The following UBN2 variants were observed in gnomAD, a reference collection of about 807,000 sequenced individuals.
UBN2 encodes the protein ubinuclein-2.
Under a neutral mutation model 120.2 loss-of-function variants are expected in UBN2, and 35 were observed. That is an observed-to-expected ratio of 0.29 (90% CI 0.22 to 0.39). UBN2 has a LOEUF of 0.39. Among genes scored for constraint, UBN2 ranks in the 10% least tolerant of loss-of-function variants. UBN2 has a pLI of 1.00. For synonymous variants in UBN2, 661 were observed against 648.7 expected (o/e 1.02, Z -0.29); for missense variants, 1,693 against 1,663.2 (o/e 1.02, Z -0.31).
chr7:139,283,413 C>G lies in UBN2; in HGVS notation c.2508C>G (p.His836Gln). The part of the protein sequence containing the change: ...TTHSSSLIAG[H>Q]TGPVPKKPQD... ...ATTCTTCAAGTCTTATTGCTGGTCA[C>G]ACAGGGCCAGTACCAAAGAAACCCC... The change falls in exon 15 of 18, where the codon CAC becomes CAG. Residue 836 changes from histidine to glutamine, a missense_variant. His to Gln is a conservative substitution (Grantham distance 24, BLOSUM62 0). Coordinates refer to ENST00000473989, the MANE Select transcript of UBN2 (RefSeq NM_173569.4). 1 of 1,614,076 alleles carries G rather than the reference C, an allele frequency of 6.2e-7. No individual in the cohort carries two copies. The highest frequency in any genetic ancestry group is 8.5e-7 in the Non-Finnish European group (1 of 1,180,008).
rs371222858 is a variant in UBN2 at position 139,293,221 on chromosome 7, T to C, written c.3670-11T>C. The C allele has an allele frequency of 6.2e-7, 1 of 1,611,868 alleles. No homozygotes were observed. Among genetic ancestry groups the C allele is most frequent in the African/African-American group, 1.3e-5 (1 of 74,876 alleles). On this transcript the variant is annotated splice_polypyrimidine_tract_variant and intron_variant, in intron 15 of 17. Coordinates refer to ENST00000473989, the MANE Select transcript of UBN2 (RefSeq NM_173569.4). ...ATTTCTTATGTATTTTGACCCCTGG[T>C]TTCTGCACAGTCCACAGCAGGAGCA... is the stretch of plus-strand genomic sequence containing the variant.
rs1798173230 is a variant in UBN2, at chr7:139,298,478, T to C, written c.*642T>C. The C allele has an allele frequency of 3.3e-5, 5 of 152,202 alleles. No homozygotes were observed. Among genetic ancestry groups the C allele is most frequent in the Admixed American group, 3.3e-4 (5 of 15,270 alleles). 9.4% of individuals were successfully genotyped at this position (152,202 alleles called of 1,614,324 possible). A position where few individuals can be genotyped will look rare whatever the true frequency, so the allele number is the denominator to read the frequency against. On this transcript the variant is annotated 3_prime_UTR_variant, in exon 18 of 18. Coordinates refer to ENST00000473989, the MANE Select transcript of UBN2 (RefSeq NM_173569.4). ...AAAGTTATTTTAGCACAGTGATATA[T>C]ATTATTAAATCATCTAGATTTTTAA...
chr7:139,283,154 T>C lies in UBN2; in HGVS notation c.2249T>C (p.Ile750Thr), dbSNP rs550455122. 7.4e-6 allele frequency: 12 copies of C among 1,612,202 alleles called. No individual in the cohort carries two copies. The Admixed American group carries it at 1.5e-4, about 20-fold the overall frequency. ...SSSSAPAQET[I>T]CLDDSLDEDL... ...AGCTCTGCACCAGCCCAAGAAACCATCTGCCTCGACGACTCACTAGATGAA... is the reference window on the plus strand; with the variant it reads ...AGCTCTGCACCAGCCCAAGAAACCACCTGCCTCGACGACTCACTAGATGAA... Residue 750 changes from isoleucine (I) to threonine (T), a missense_variant, in exon 15 of 18, where the codon ATC becomes ACC. Physicochemically the swap from Ile to Thr is moderately conservative, Grantham distance 89. Coordinates refer to ENST00000473989, the MANE Select transcript of UBN2 (RefSeq NM_173569.4).
chr7:139,312,292 A>G (rs1310594243), downstream of UBN2, among the ~76,000 whole-genome samples: 3 of 152,214 alleles, frequency 2.0e-5, no homozygotes, highest in African/African-American at 4.8e-5. Context: ...ATTCATACCA[A>G]TAGTACTGTG....
chr7:139,268,663 C>T (rs1298652767), intron 7 of UBN2, among the ~76,000 whole-genome samples: 1 of 152,046 alleles, frequency 6.6e-6, no homozygotes, highest in African/African-American at 2.4e-5. Flanking sequence ...ACTCTGTTGC[C>T]CAGCCTGGAG....
intron 9 of UBN2, among the ~76,000 whole-genome samples, chr7:139,273,061 A>G (rs968342948): frequency 5.9e-5 from 9 of 152,204 alleles, no homozygotes; most frequent in Non-Finnish European, 1.3e-4. Context: ...GTTGAACACA[A>G]GTGTTTTCTG....
At chr7:139,269,603 C>T (rs779040517) in intron 8 of UBN2, 80 bp downstream of exon 8, 6 of 1,454,784 alleles carry the variant, frequency 4.1e-6, no homozygotes, top group Non-Finnish European at 5.6e-6. Flanking sequence ...GGCCTTTGCA[C>T]ATTAATTGAT....
intron 6 of UBN2, 80 bp from the exon 7 acceptor site, chr7:139,266,253 A>AAC: frequency 1.1e-6 from 1 of 895,332 alleles, no homozygotes; most frequent in South Asian, 1.6e-5. Flanking sequence ...AAAGAAAAAA[A>AAC]CCTTTGAACA....
chr7:139,273,435 T>C (rs1797347902), intron 10 of UBN2, 25 bp downstream of exon 10: 1 of 1,463,924 alleles, frequency 6.8e-7, no homozygotes, highest in African/African-American at 1.4e-5. Context: ...GTTTTCACTT[T>C]TAATATATAA....
chr7:139,286,207 C>T (rs1436968069), intron 15 of UBN2, among the ~76,000 whole-genome samples: 1 of 152,110 alleles, frequency 6.6e-6, no homozygotes, highest in Non-Finnish European at 1.5e-5. Context: ...GGCTTACAGG[C>T]GTGAGCTACC....
At chr7:139,235,183 A>T (rs1369158035) in intron 1 of UBN2, among the ~76,000 whole-genome samples, 1 of 152,188 alleles carries the variant, frequency 6.6e-6, no homozygotes, top group Non-Finnish European at 1.5e-5. Flanking sequence ...TTATACATAT[A>T]AAATGAGTCA....
At chr7:139,270,829 C>T (rs949504809) in intron 8 of UBN2, among the ~76,000 whole-genome samples, 1 of 152,142 alleles carries the variant, frequency 6.6e-6, no homozygotes, top group African/African-American at 2.4e-5. Context: ...ACCACAACCT[C>T]CACCTCCTGG....
chr7:139,232,673 TTTTA>T (rs1376147806), intron 1 of UBN2, among the ~76,000 whole-genome samples: 3 of 152,192 alleles, frequency 2.0e-5, no homozygotes, highest in Admixed American at 6.5e-5. Flanking sequence ...GTGTCTCCTG[TTTTA>T]TTTGACACCT....
intron 17 of UBN2, among the ~76,000 whole-genome samples, chr7:139,297,409 C>T (rs1443857032): frequency 6.6e-6 from 1 of 151,926 alleles, no homozygotes; most frequent in East Asian, 1.9e-4. Flanking sequence ...TGAAATTGAC[C>T]TGTCTTCCAA....
chr7:139,237,088 A>G lies in UBN2; in HGVS notation c.552A>G (p.Glu184=), dbSNP rs778404849. ...QEVEMLAKKF[E]MKYGGKPRKH... ...TGGAAATGTTGGCTAAGAAGTTTGA[A>G]ATGAAATATGTGAGTATAATAAACT... Residue 184 remains glutamate (E), a synonymous_variant, in exon 2 of 18, where the codon GAA becomes GAG. Coordinates refer to ENST00000473989, the MANE Select transcript of UBN2 (RefSeq NM_173569.4). 1 of 1,607,388 alleles carries G rather than the reference A, an allele frequency of 6.2e-7. No individual in the cohort carries two copies. Among genetic ancestry groups the G allele is most frequent in the South Asian group, 1.1e-5 (1 of 90,886 alleles).
chr7:139,252,735 C>T (rs970258016), intron 3 of UBN2, among the ~76,000 whole-genome samples: 2 of 151,744 alleles, frequency 1.3e-5, no homozygotes, highest in Non-Finnish European at 2.9e-5. Flanking sequence ...CTAATTATAG[C>T]GTTGACTCCA....
intron 15 of UBN2, among the ~76,000 whole-genome samples, chr7:139,287,759 G>T (rs1348768519): frequency 6.6e-6 from 1 of 150,394 alleles, no homozygotes; most frequent in Non-Finnish European, 1.5e-5. Flanking sequence ...CGAAAGTAAG[G>T]TTCTTTTTGT....
At chr7:139,259,403 C>T (rs762923648) in intron 5 of UBN2, 33 bp downstream of exon 5, 17 of 1,608,690 alleles carry the variant, frequency 1.1e-5, no homozygotes, top group South Asian at 3.3e-5. Flanking sequence ...AGGGAACTGG[C>T]GTCACAGTCT....
intron 2 of UBN2, among the ~76,000 whole-genome samples, chr7:139,238,365 A>C (rs1796219851): frequency 6.6e-6 from 1 of 152,154 alleles, no homozygotes; most frequent in Non-Finnish European, 1.5e-5. Context: ...CCTAGGCCAT[A>C]CTTTGCCATC....
Sources: allele counts gnomAD v4.1 joint callset (sites outside exome capture counted in the v4.1 genomes callset), GRCh38; gene constraint gnomAD v4.1.1; transcripts MANE v1.5; gene names NCBI Gene and HGNC (gene_info 2026-07-23, HGNC 2026-07-21).